STK32B: variants seen among roughly 807,000 people sequenced by gnomAD.
The protein encoded by STK32B is serine/threonine-protein kinase 32B.
In STK32B, 43 loss-of-function variants were observed where a neutral mutation model predicts 52.6. The observed-to-expected ratio is 0.82, with a 90% CI of 0.64 to 1.05. The LOEUF is 1.05. Ranked by LOEUF, STK32B falls within the 50% of genes least tolerant of loss-of-function variation. STK32B has a pLI of 0.00. For synonymous variants in STK32B, 238 were observed against 204.3 expected, an observed-to-expected ratio of 1.17 and a Z score of -1.41; for missense variants, 621 against 534.6, an observed-to-expected ratio of 1.16 and a Z score of -1.59.
intron 11 of STK32B, among the ~76,000 whole-genome samples, chr4:5,468,633 G>A (rs1717619382): frequency 6.6e-6 from 1 of 152,190 alleles, no homozygotes; most frequent in Non-Finnish European, 1.5e-5. Context: ...TGGAACCTCA[G>A]CAGCCTGGGA....
chr4:5,352,617 T>TTAA, intron 4 of STK32B, among the ~76,000 whole-genome samples: 1 of 86,002 alleles, frequency 1.2e-5, no homozygotes, highest in African/African-American at 6.0e-5. Context: ...GAGAAAGAAA[T>TTAA]AAAAAAAAAA....
In STK32B at chr4:5,450,870, C is replaced by A. The variant is rs146795565; in HGVS notation, c.666+4094C>A. Reference sequence around the variant, plus strand: ...ATTTAGCATCTTCAAGCACTAGAGGCAGGCACTGAGAGCAGAGGCTGGATC... The same window carrying A: ...ATTTAGCATCTTCAAGCACTAGAGGAAGGCACTGAGAGCAGAGGCTGGATC... On this transcript the variant is annotated intron_variant, in intron 7 of 11. Transcript: ENST00000282908. Among the ~76,000 whole-genome samples the A allele has an allele frequency of 9.8e-3, 1,493 of 152,276 alleles. 11 individuals carry two copies. Among genetic ancestry groups the A allele is most frequent in the Middle Eastern group, 0.02 (6 of 294 alleles).
intron 1 of STK32B, among the ~76,000 whole-genome samples, chr4:5,128,894 G>C (rs111620365): frequency 3.9e-5 from 6 of 152,360 alleles, no homozygotes; most frequent in African/African-American, 1.4e-4. Flanking sequence ...CCTGTGAACA[G>C]GGTGCAGTTG....
chr4:5,053,994 A>AAT (rs1553814638), intron 1 of STK32B, among the ~76,000 whole-genome samples: 2 of 147,936 alleles, frequency 1.4e-5, no homozygotes, highest in Admixed American at 6.8e-5. Flanking sequence ...TAAATAAATA[A>AAT]ATAAATAAAT....
chr4:5,448,357 C>A (rs1466830451), intron 7 of STK32B, among the ~76,000 whole-genome samples: 1 of 152,170 alleles, frequency 6.6e-6, no homozygotes, highest in Non-Finnish European at 1.5e-5. Flanking sequence ...TTAGCTGTTT[C>A]CTTTGATATA....
intron 7 of STK32B, among the ~76,000 whole-genome samples, chr4:5,447,629 C>T (rs1000317792): frequency 2.0e-5 from 3 of 152,172 alleles, no homozygotes; most frequent in Non-Finnish European, 4.4e-5. Flanking sequence ...GAGTGAGGCC[C>T]TGTCTCAGAA....
chr4:5,201,700 G>A (rs1343653700), intron 3 of STK32B, among the ~76,000 whole-genome samples: 1 of 152,196 alleles, frequency 6.6e-6, no homozygotes, highest in Non-Finnish European at 1.5e-5. Context: ...GGCAGAAGGT[G>A]AAGGGGGAGC....
chr4:5,287,312 G>T (rs1036043546), intron 3 of STK32B, among the ~76,000 whole-genome samples: 1 of 152,114 alleles, frequency 6.6e-6, no homozygotes, highest in Non-Finnish European at 1.5e-5. Context: ...TTTCTTGGGT[G>T]TAAAGAGGTA....
At chr4:5,361,027 G>A (rs1734512534) in intron 4 of STK32B, among the ~76,000 whole-genome samples, 2 of 152,278 alleles carry the variant, frequency 1.3e-5, no homozygotes, top group East Asian at 1.9e-4. Flanking sequence ...CTGTCTCTAT[G>A]ATTTTGACTA....
At chr4:5,250,399 G>A (rs180695184) in intron 3 of STK32B, among the ~76,000 whole-genome samples, 31 of 142,012 alleles carry the variant, frequency 2.2e-4, no homozygotes, top group Admixed American at 1.7e-3. Flanking sequence ...TGCAACCTCC[G>A]CCTCCCGGCT....
intron 1 of STK32B, among the ~76,000 whole-genome samples, chr4:5,120,544 G>A (rs911218955): frequency 1.3e-5 from 2 of 152,160 alleles, no homozygotes; most frequent in Non-Finnish European, 2.9e-5. Context: ...GAAAAAAACA[G>A]TATATATAGG....
chr4:5,063,161 A>T (rs1261990526), intron 1 of STK32B, among the ~76,000 whole-genome samples: 1 of 152,208 alleles, frequency 6.6e-6, no homozygotes, highest in Non-Finnish European at 1.5e-5. Context: ...ATTTCATAAG[A>T]TGATGGCAAA....
intron 4 of STK32B, 46 bp downstream of exon 4, chr4:5,331,439 C>A (rs554280225): frequency 7.0e-6 from 11 of 1,567,284 alleles, no homozygotes; most frequent in Non-Finnish European, 8.7e-6. Context: ...GGACCATGGG[C>A]TAGGGTGTCA....
chr4:5,453,660 C>T lies in STK32B; in HGVS notation c.667-3147C>T, dbSNP rs369709662. 2.0e-5 allele frequency among the ~76,000 whole-genome samples: 3 copies of T among 152,100 alleles called. No homozygotes were observed. The highest frequency in any genetic ancestry group is 7.2e-5 in the African/African-American group (3 of 41,496). On this transcript the variant is annotated intron_variant, in intron 7 of 11. Coordinates refer to ENST00000282908, the MANE Select transcript of STK32B (RefSeq NM_018401.3). This position sits in a 1 kb window ranked among gnomAD's most constrained non-coding sequence, Gnocchi z 4.0. ...GGCTTACGTCTGTAATCCCAGCACT[C>T]TGGGAGGCTGAGACGGGCAGATCAC...
intron 11 of STK32B, among the ~76,000 whole-genome samples, chr4:5,476,801 A>C (rs1008656032): frequency 1.3e-5 from 2 of 151,162 alleles, no homozygotes; most frequent in African/African-American, 2.4e-5. Context: ...AAGAGGTCAC[A>C]CTAGATTAGG....
chr4:5,163,538 C>G (rs1241814385), intron 2 of STK32B, among the ~76,000 whole-genome samples: 3 of 139,336 alleles, frequency 2.2e-5, no homozygotes, highest in Non-Finnish European at 3.1e-5. Flanking sequence ...AGAGTGAAGG[C>G]TGTGTGTGTG....
At chr4:5,484,932 C>T (rs1719023986) in intron 11 of STK32B, among the ~76,000 whole-genome samples, 1 of 152,190 alleles carries the variant, frequency 6.6e-6, no homozygotes, top group Non-Finnish European at 1.5e-5. Flanking sequence ...TCTCTTTTGG[C>T]TTGTAGAGTT....
chr4:5,086,160 T>C (rs139521674), intron 1 of STK32B, among the ~76,000 whole-genome samples: 2 of 152,314 alleles, frequency 1.3e-5, no homozygotes, highest in African/African-American at 2.4e-5. Flanking sequence ...TCTGGGAATC[T>C]ATAGGTTCAT....
At chr4:5,090,103 G>T (rs1712988242) in intron 1 of STK32B, among the ~76,000 whole-genome samples, 1 of 151,916 alleles carries the variant, frequency 6.6e-6, no homozygotes, top group South Asian at 2.1e-4. Flanking sequence ...GTAAATTCTG[G>T]GTATTAGACC....
Sources: gnomAD v4.1 joint callset for allele counts (sites outside exome capture counted in the v4.1 genomes callset) on GRCh38, gnomAD v4.1.1 for gene constraint, Gnocchi (gnomAD v3.1) non-coding constraint, MANE v1.5 for transcripts, NCBI Gene and HGNC (gene_info 2026-07-23, HGNC 2026-07-21) for gene names.